KCNN2: variants seen among roughly 807,000 people sequenced by gnomAD.
The protein encoded by KCNN2 is potassium calcium-activated channel subfamily N member 2.
A neutral mutation model predicts 55.5 loss-of-function variants in KCNN2; 24 were observed. The ratio of observed to expected loss-of-function variants is 0.43; its 90% CI spans 0.31 to 0.61. The LOEUF is 0.61. Among genes scored for constraint, KCNN2 ranks in the 20% least tolerant of loss-of-function variants. The pLI is 0.08. For synonymous variants in KCNN2, 431 were observed against 336.1 expected, an observed-to-expected ratio of 1.28 and a Z score of -3.09; for missense variants, 754 against 853.6, an observed-to-expected ratio of 0.88 and a Z score of 1.45.
At chr5:114,346,297 C>T (rs1206509439) in intron 2 of KCNN2, among the ~76,000 whole-genome samples, 1 of 152,162 alleles carries the variant, frequency 6.6e-6, no homozygotes, top group Non-Finnish European at 1.5e-5. Flanking sequence ...CCAGGCCCCA[C>T]CTCCAACATC....
intron 2 of KCNN2, among the ~76,000 whole-genome samples, chr5:114,255,088 A>T (rs1280200334): frequency 2.0e-5 from 3 of 152,240 alleles, no homozygotes; most frequent in Non-Finnish European, 4.4e-5. Context: ...TGCAGAGAAA[A>T]GATGACTGCT....
At chr5:114,215,459 A>C (rs192769663) in intron 1 of KCNN2, among the ~76,000 whole-genome samples, 18 of 152,182 alleles carry the variant, frequency 1.2e-4, no homozygotes, top group Non-Finnish European at 2.4e-4. Flanking sequence ...GAACCCTTTG[A>C]GCTTGTTTGT....
In KCNN2 at chr5:114,424,852, G is replaced by A. The variant is rs148331389; in HGVS notation, c.1637+19996G>A. Among the ~76,000 whole-genome samples the A allele has an allele frequency of 1.6e-3, 242 of 152,304 alleles. 1 individual carries two copies. Among genetic ancestry groups the A allele is most frequent in the African/African-American group, 5.7e-3 (238 of 41,560 alleles). ...CTTACAATATACACTGAACACAGGA[G>A]GAGAGAGTTGAAGAAGGGGCAATGA... On this transcript the variant is annotated intron_variant, in intron 3 of 7. Coordinates refer to ENST00000673685, the MANE Select transcript of KCNN2 (RefSeq NM_021614.4).
intron 3 of KCNN2, among the ~76,000 whole-genome samples, chr5:114,437,331 A>G (rs1315175394): frequency 6.6e-6 from 1 of 152,138 alleles, no homozygotes. Flanking sequence ...GACAGTGGGA[A>G]CAGAGAGAAG....
intron 1 of KCNN2, among the ~76,000 whole-genome samples, chr5:114,064,065 C>T (rs1286762847): frequency 1.3e-5 from 2 of 152,166 alleles, no homozygotes; most frequent in African/African-American, 4.8e-5. Flanking sequence ...TAACGAAATG[C>T]TTGTGTTCTA....
At chr5:114,291,235 A>G (rs1450229929) in intron 2 of KCNN2, among the ~76,000 whole-genome samples, 1 of 151,972 alleles carries the variant, frequency 6.6e-6, no homozygotes, top group Non-Finnish European at 1.5e-5. Flanking sequence ...CATGTGCACA[A>G]TGTGCAGGTT....
chr5:114,433,083 T>TG (rs1333482884), intron 3 of KCNN2, among the ~76,000 whole-genome samples: 2 of 152,172 alleles, frequency 1.3e-5, no homozygotes, highest in African/African-American at 4.8e-5. Flanking sequence ...AGCACGGGAC[T>TG]GGCAGGCAGC....
At chr5:114,323,499 T>G (rs1260297274) in intron 2 of KCNN2, among the ~76,000 whole-genome samples, 1 of 151,968 alleles carries the variant, frequency 6.6e-6, no homozygotes, top group East Asian at 1.9e-4. Flanking sequence ...ATGAGAAAAA[T>G]GTTTATTTTT....
chr5:114,207,934 A>G lies in KCNN2; in HGVS notation c.-270-13546A>G, dbSNP rs77862957. Among the ~76,000 whole-genome samples the G allele has an allele frequency of 5.4e-3, 830 of 152,294 alleles. 8 individuals carry two copies. The highest frequency in any genetic ancestry group is 0.019 in the African/African-American group (780 of 41,558). On this transcript the variant is annotated intron_variant, in intron 1 of 10. Coordinates refer to the KCNN2 transcript ENST00000512097. ...TCCCATCTCCGTCACAGTGACTTAA[A>G]TATGTGTAAAACTCAGAAGAGGCTG...
chr5:114,443,803 C>G (rs1760302827), intron 3 of KCNN2, among the ~76,000 whole-genome samples: 1 of 152,108 alleles, frequency 6.6e-6, no homozygotes, highest in African/African-American at 2.4e-5. Flanking sequence ...TAAGAAGCAG[C>G]CTGAACGTGT....
At chr5:114,158,555 T>C (rs1458744723) in intron 1 of KCNN2, among the ~76,000 whole-genome samples, 4 of 152,176 alleles carry the variant, frequency 2.6e-5, no homozygotes, top group Non-Finnish European at 2.9e-5. Context: ...CATTGGTAGC[T>C]TGATGGGGAT....
intron 2 of KCNN2, among the ~76,000 whole-genome samples, chr5:114,256,908 T>G (rs1462817696): frequency 6.6e-6 from 1 of 152,198 alleles, no homozygotes. Context: ...TGCATTTGCT[T>G]TAGAAGTCTT....
chr5:114,209,187 GCTGA>G (rs199725009), intron 1 of KCNN2, among the ~76,000 whole-genome samples: 4,442 of 151,806 alleles, frequency 0.029, 211 homozygotes, highest in African/African-American at 0.1. Flanking sequence ...CTCCTGAATA[GCTGA>G]CTGCAGGCAT....
chr5:114,347,452 G>A (rs1757127720), intron 2 of KCNN2, among the ~76,000 whole-genome samples: 1 of 152,198 alleles, frequency 6.6e-6, no homozygotes, highest in Admixed American at 6.5e-5. Flanking sequence ...CGTGCTTTAT[G>A]TGTTCTCCAA....
chr5:114,072,420 A>G (rs1237150802), intron 1 of KCNN2, among the ~76,000 whole-genome samples: 2 of 152,186 alleles, frequency 1.3e-5, no homozygotes, highest in African/African-American at 2.4e-5. Context: ...ATAGTAATCC[A>G]TAGTCACTAT....
intron 1 of KCNN2, among the ~76,000 whole-genome samples, chr5:114,141,174 A>G (rs1193434394): frequency 6.6e-6 from 1 of 152,046 alleles, no homozygotes; most frequent in Non-Finnish European, 1.5e-5. Flanking sequence ...GTACATGTGC[A>G]CAATGTGCAG....
At chr5:114,253,636 T>C (rs1754924546) in intron 2 of KCNN2, 1 of 153,006 alleles carries the variant, frequency 6.5e-6, no homozygotes, top group South Asian at 2.1e-4. Context: ...TGAAGCTGTG[T>C]GCTTGGTTGA....
At chr5:114,462,314 A>G (rs879263685) in intron 3 of KCNN2, among the ~76,000 whole-genome samples, 5 of 152,180 alleles carry the variant, frequency 3.3e-5, no homozygotes, top group Admixed American at 1.3e-4. Flanking sequence ...TCAAAGAATG[A>G]TTAGGATACT....
chr5:114,396,281 G>T (rs928926267), intron 2 of KCNN2, among the ~76,000 whole-genome samples: 2 of 151,574 alleles, frequency 1.3e-5, no homozygotes, highest in Non-Finnish European at 2.9e-5. Flanking sequence ...CAGGAGAAAG[G>T]GCTTTTGTTT....
Sources: allele counts gnomAD v4.1 joint callset (sites outside exome capture counted in the v4.1 genomes callset), GRCh38; gene constraint gnomAD v4.1.1; transcripts MANE v1.5; gene names NCBI Gene and HGNC (gene_info 2026-07-23, HGNC 2026-07-21).